Variants in ZNF578 observed in about 807,000 individuals in gnomAD.
ZNF578 encodes Putative chemokine-related protein B42.
In ZNF578, 8 loss-of-function variants were observed where a neutral mutation model predicts 8.3. The observed-to-expected ratio is 0.96, with a 90% CI of 0.56 to 1.74. The LOEUF (loss-of-function observed/expected upper bound fraction) is 1.74. ZNF578 is among the 40% of genes most tolerant of loss of function. ZNF578 has a pLI of 0.00. For synonymous variants in ZNF578, 206 were observed against 232.2 expected (o/e 0.89, Z 1.03); for missense variants, 726 against 707.5 (o/e 1.03, Z -0.30).
intron 3 of ZNF578, among the ~76,000 whole-genome samples, chr19:52,497,113 ATATT>A (rs2059389784): frequency 6.7e-6 from 1 of 148,512 alleles, no homozygotes; most frequent in Non-Finnish European, 1.5e-5. Context: ...TTAGATATAT[ATATT>A]TATTTGTTGA....
chr19:52,490,944 T>C (rs1411696266), intron 2 of ZNF578, among the ~76,000 whole-genome samples: 2 of 152,254 alleles, frequency 1.3e-5, no homozygotes, highest in Non-Finnish European at 2.9e-5. Flanking sequence ...TAGCATTTAT[T>C]TGTATACAGT....
Position 52,466,733 on chromosome 19 carries a change from A to C in ZNF578, c.-122+9775A>C, listed in dbSNP as rs191511300. On this transcript the variant is annotated intron_variant, in intron 2 of 5. Coordinates refer to ENST00000421239, the MANE Select transcript of ZNF578 (RefSeq NM_001099694.2). ...GTATGTCTACATGAGTGCATGGATG[A>C]GCAAGCCCATGGCTCTTATGAAACA... 2.0e-4 allele frequency among the ~76,000 whole-genome samples: 30 copies of C among 151,498 alleles called. 1 individual carries two copies. In the East Asian group the frequency reaches 5.6e-3, roughly 28 times the overall value.
At position 52,515,541 on chromosome 19, in the gene ZNF578, A is replaced by G. The variant is rs1456667578; in HGVS notation, c.*3387A>G. Among the ~76,000 whole-genome samples the G allele has an allele frequency of 6.6e-6, 1 of 152,128 alleles. No homozygotes were observed. Among genetic ancestry groups the G allele is most frequent in the East Asian group, 1.9e-4 (1 of 5,174 alleles). The stretch of plus-strand genomic sequence containing the variant: ...TTGCCATTAGCCCTTCCAGGACCCC[A>G]TGTAAGACTTTAGACACCTTCTCAC... On this transcript the variant is annotated 3_prime_UTR_variant, in exon 6 of 6. Coordinates refer to ENST00000421239, the MANE Select transcript of ZNF578 (RefSeq NM_001099694.2).
At chr19:52,461,166 A>T (rs1025811003) in intron 2 of ZNF578, among the ~76,000 whole-genome samples, 1 of 152,218 alleles carries the variant, frequency 6.6e-6, no homozygotes, top group African/African-American at 2.4e-5. Context: ...TCATTTGGCT[A>T]TATCCAATGT....
intron 4 of ZNF578, among the ~76,000 whole-genome samples, chr19:52,503,646 C>T (rs571212879): frequency 1.4e-4 from 21 of 152,088 alleles, no homozygotes; most frequent in Admixed American, 2.6e-4. Flanking sequence ...ACTGACCAAT[C>T]ATGATAGTTT....
chr19:52,474,909 TTCAC>T (rs1201975321), intron 2 of ZNF578: 1 of 208,124 alleles, frequency 4.8e-6, no homozygotes, highest in Non-Finnish European at 1.1e-5. Context: ...CTGTCCTGTA[TTCAC>T]TCACTAATAC....
intron 2 of ZNF578, among the ~76,000 whole-genome samples, chr19:52,475,390 C>T (rs1385727898): frequency 1.2e-4 from 17 of 147,084 alleles, no homozygotes; most frequent in African/African-American, 3.3e-4. Context: ...CTTTCTCTGT[C>T]GCCCAGGCTG....
intron 2 of ZNF578, among the ~76,000 whole-genome samples, chr19:52,476,791 C>G (rs2059309623): frequency 6.6e-6 from 1 of 152,168 alleles, no homozygotes; most frequent in Non-Finnish European, 1.5e-5. Flanking sequence ...TCTGAGAGGC[C>G]ATGGTAGGGG....
chr19:52,508,365 A>AG (rs2059432576), intron 5 of ZNF578, among the ~76,000 whole-genome samples: 1 of 151,700 alleles, frequency 6.6e-6, no homozygotes, highest in African/African-American at 2.4e-5. Context: ...AGAGAGAGAG[A>AG]AAGAGAAAGT....
At chr19:52,484,513 C>G (rs811420) in intron 2 of ZNF578, among the ~76,000 whole-genome samples, 242 of 152,194 alleles carry the variant, frequency 1.6e-3, no homozygotes, top group African/African-American at 5.3e-3. Context: ...GCAGAGGTCC[C>G]TGCAGACTTC....
intron 5 of ZNF578, among the ~76,000 whole-genome samples, chr19:52,510,175 T>TG (rs2059439403): frequency 6.7e-6 from 1 of 148,214 alleles, no homozygotes; most frequent in Non-Finnish European, 1.5e-5. Context: ...TTGTGTGGTG[T>TG]TTTTTTTTTG....
rs376877936 is a variant in ZNF578, at chr19:52,512,067, C to T, written c.1686C>T (p.Ser562=). ...TGGCAAACCATACTAGAATTCATAG[C>T]GGAGAGAAACCTTACAAGTGTAATG... The part of the protein sequence containing the change: ...SYLANHTRIH[S]GEKPYKCNEC... Residue 562 remains serine, a synonymous_variant, in exon 6 of 6, where the codon AGC becomes AGT. Transcript: ENST00000421239. 20 of 1,611,188 alleles carry T rather than the reference C, an allele frequency of 1.2e-5. No individual in the cohort carries two copies. The highest frequency in any genetic ancestry group is 1.2e-4 in the African/African-American group (9 of 74,204).
At chr19:52,458,574 T>C (rs1395002995) in intron 2 of ZNF578, 1 of 150,692 alleles carries the variant, frequency 6.6e-6, no homozygotes, top group Non-Finnish European at 1.5e-5. Flanking sequence ...GACATGTATA[T>C]ACAAAATGAA....
At chr19:52,479,655 C>T (rs2059319339) in intron 2 of ZNF578, among the ~76,000 whole-genome samples, 1 of 151,696 alleles carries the variant, frequency 6.6e-6, no homozygotes, top group South Asian at 2.1e-4. Flanking sequence ...ACCAGTTTTA[C>T]CATTGTGTCA....
chr19:52,463,875 A>G (rs780423584), intron 2 of ZNF578, among the ~76,000 whole-genome samples: 21 of 152,208 alleles, frequency 1.4e-4, no homozygotes, highest in Non-Finnish European at 5.9e-5. Context: ...CCAAAGGGGC[A>G]TCCTGAGTAA....
In ZNF578 at chr19:52,510,894, G is replaced by A; in HGVS notation, c.513G>A (p.Gln171=). The change falls in exon 6 of 6, where the codon CAG becomes CAA. Residue 171 remains glutamine (Q), a synonymous_variant. Coordinates refer to ENST00000421239, the MANE Select transcript of ZNF578 (RefSeq NM_001099694.2). Reference sequence around the variant, plus strand: ...ATCTTCCTGAACTCCACATATTTCAGCCCGAAGAGAAAATTGCTAATCAAG... The same window carrying A: ...ATCTTCCTGAACTCCACATATTTCAACCCGAAGAGAAAATTGCTAATCAAG... The part of the protein sequence containing the change: ...HLHLPELHIF[Q]PEEKIANQVE... 1 of 1,614,156 alleles carries A rather than the reference G, an allele frequency of 6.2e-7. No homozygotes were observed. The highest frequency in any genetic ancestry group is 1.6e-4 in the Middle Eastern group (1 of 6,062).
intron 2 of ZNF578, among the ~76,000 whole-genome samples, chr19:52,490,447 G>A (rs1365263243): frequency 6.6e-6 from 1 of 151,996 alleles, no homozygotes; most frequent in Non-Finnish European, 1.5e-5. Context: ...CTGTATAAAT[G>A]TACTTATTTG....
intron 2 of ZNF578, among the ~76,000 whole-genome samples, chr19:52,482,379 A>G (rs1209541432): frequency 6.6e-6 from 1 of 150,390 alleles, no homozygotes; most frequent in African/African-American, 2.4e-5. Context: ...GGCTCACGCC[A>G]GTAATCCTAG....
intron 3 of ZNF578, among the ~76,000 whole-genome samples, chr19:52,498,329 G>GTTTTTT (rs58765518): frequency 8.8e-6 from 1 of 113,724 alleles, no homozygotes. Flanking sequence ...GCTAATGTGT[G>GTTTTTT]TTTTTTTTTT....
Sources: allele counts gnomAD v4.1 joint callset (sites outside exome capture counted in the v4.1 genomes callset), GRCh38; gene constraint gnomAD v4.1.1; transcripts MANE v1.5; gene names NCBI Gene and HGNC (gene_info 2026-07-23, HGNC 2026-07-21).